CBLB: variants seen among roughly 807,000 people sequenced by gnomAD.
The protein encoded by CBLB is Cbl proto-oncogene B.
In CBLB, 31 loss-of-function variants were observed where a neutral mutation model predicts 104.9. That is an observed-to-expected ratio of 0.30 (90% CI 0.22 to 0.40). The LOEUF (loss-of-function observed/expected upper bound fraction) is 0.40, where lower values mean the gene tolerates loss of function less well. Among genes scored for constraint, CBLB ranks in the 10% least tolerant of loss-of-function variants. CBLB has a pLI of 1.00. For missense variants in CBLB, 1,062 were observed against 1,214.6 expected, an observed-to-expected ratio of 0.87 and a Z score of 1.87; for synonymous variants, 440 against 422.6, an observed-to-expected ratio of 1.04 and a Z score of -0.51.
At chr3:105,789,375 TA>T (rs1444382439) in intron 3 of CBLB, among the ~76,000 whole-genome samples, 1 of 152,198 alleles carries the variant, frequency 6.6e-6, no homozygotes, top group African/African-American at 2.4e-5. Flanking sequence ...TTAAAAATTA[TA>T]AATTTTACAA....
chr3:105,711,386 C>T (rs915724471), intron 10 of CBLB, among the ~76,000 whole-genome samples: 1 of 151,912 alleles, frequency 6.6e-6, no homozygotes, highest in African/African-American at 2.4e-5. Flanking sequence ...ATTTTACTTG[C>T]TACTATTCTC....
chr3:105,763,672 T>C (rs2077911878), intron 4 of CBLB, among the ~76,000 whole-genome samples: 1 of 152,240 alleles, frequency 6.6e-6, no homozygotes, highest in Non-Finnish European at 1.5e-5. Flanking sequence ...GAGAACAGAC[T>C]AATATAAGTA....
intron 3 of CBLB, among the ~76,000 whole-genome samples, chr3:105,836,806 C>T (rs975985333): frequency 6.6e-6 from 1 of 152,176 alleles, no homozygotes; most frequent in Admixed American, 6.5e-5. Flanking sequence ...AACGATAATA[C>T]ACAGTGAGAA....
intron 16 of CBLB, among the ~76,000 whole-genome samples, chr3:105,680,714 G>A (rs1055666874): frequency 6.6e-6 from 1 of 152,196 alleles, no homozygotes; most frequent in Non-Finnish European, 1.5e-5. Context: ...TGGCCTAACA[G>A]CCAGTTCAGA....
At position 105,719,045 on chromosome 3, in the gene CBLB, T is replaced by C. The variant is rs552632516; in HGVS notation, c.1407+1002A>G. ...ATTCTCAGTGAACTGACAAGGTCAA[T>C]TTTTGTGAGTCAACAACATTAATGA... On this transcript the variant is annotated intron_variant, in intron 10 of 18. Coordinates refer to ENST00000394030, the MANE Select transcript of CBLB (RefSeq NM_170662.5). 8.9e-4 allele frequency among the ~76,000 whole-genome samples: 135 copies of C among 152,304 alleles called. 1 individual carries two copies. Among genetic ancestry groups the C allele is most frequent in the African/African-American group, 3.1e-3 (130 of 41,576 alleles).
chr3:105,676,110 T>C (rs1359437840), intron 17 of CBLB, among the ~76,000 whole-genome samples: 2 of 151,786 alleles, frequency 1.3e-5, no homozygotes, highest in African/African-American at 4.8e-5. Flanking sequence ...AACATTGCCC[T>C]GACTCCCATG....
intron 2 of CBLB, among the ~76,000 whole-genome samples, chr3:105,867,062 C>T (rs776773622): frequency 3.3e-5 from 5 of 152,152 alleles, no homozygotes; most frequent in Non-Finnish European, 7.3e-5. Context: ...CCTGCTGGTA[C>T]TCTTTTGTTA....
chr3:105,710,020 T>C (rs1229435845), intron 10 of CBLB, among the ~76,000 whole-genome samples: 1 of 151,986 alleles, frequency 6.6e-6, no homozygotes, highest in Non-Finnish European at 1.5e-5. Context: ...ACATGTGTAC[T>C]TCTTCTTTGG....
At chr3:105,868,590 T>C (rs1211926651) in intron 1 of CBLB, 146 bp downstream of exon 1, 1 of 432,388 alleles carries the variant, frequency 2.3e-6, no homozygotes, top group Non-Finnish European at 3.3e-6. Context: ...GGTCTTTAAA[T>C]GCCCCACTTC....
At chr3:105,817,633 G>A (rs1375806835) in intron 3 of CBLB, among the ~76,000 whole-genome samples, 3 of 152,208 alleles carry the variant, frequency 2.0e-5, no homozygotes, top group African/African-American at 7.2e-5. Flanking sequence ...GAGGCCGAAT[G>A]AGGCCTTACT....
At chr3:105,730,741 A>C (rs2074229339) in intron 9 of CBLB, among the ~76,000 whole-genome samples, 1 of 152,136 alleles carries the variant, frequency 6.6e-6, no homozygotes, top group Admixed American at 6.5e-5. Flanking sequence ...ATTTTTCATT[A>C]ATTTAGGTGC....
chr3:105,834,634 C>G (rs959878306), intron 3 of CBLB, among the ~76,000 whole-genome samples: 2 of 147,548 alleles, frequency 1.4e-5, no homozygotes, highest in African/African-American at 5.0e-5. Context: ...CCAGCCTGAG[C>G]GACAGAGCAA....
intron 3 of CBLB, among the ~76,000 whole-genome samples, chr3:105,819,894 G>A (rs542890720): frequency 2.0e-5 from 3 of 152,196 alleles, no homozygotes; most frequent in South Asian, 4.2e-4. Flanking sequence ...ACCAGAGACC[G>A]GTTTCATGGA....
chr3:105,828,887 T>C (rs970368360), intron 3 of CBLB, among the ~76,000 whole-genome samples: 1 of 152,204 alleles, frequency 6.6e-6, no homozygotes, highest in African/African-American at 2.4e-5. Context: ...GGACATTTCA[T>C]GACATCACCT....
chr3:105,711,895 C>T (rs2071163077), intron 10 of CBLB, among the ~76,000 whole-genome samples: 1 of 152,044 alleles, frequency 6.6e-6, no homozygotes. Flanking sequence ...AAATTAGAAG[C>T]AATAAAGAAG....
intron 10 of CBLB, among the ~76,000 whole-genome samples, chr3:105,713,615 C>T (rs13073784): frequency 0.11 from 16,748 of 152,182 alleles, 1,012 homozygotes; most frequent in East Asian, 0.18. Flanking sequence ...AGGTATCCTA[C>T]GACATCACAC....
At chr3:105,673,538 A>T (rs1465900302) in intron 17 of CBLB, 1 of 152,168 alleles carries the variant, frequency 6.6e-6, no homozygotes, top group Non-Finnish European at 1.5e-5. Flanking sequence ...CCAAATTTTA[A>T]TAGAGTATAT....
intron 4 of CBLB, among the ~76,000 whole-genome samples, chr3:105,771,664 C>A (rs576619085): frequency 6.6e-6 from 1 of 152,272 alleles, no homozygotes; most frequent in African/African-American, 2.4e-5. Flanking sequence ...GCTCCCAGAT[C>A]TTATAAATGA....
chr3:105,730,397 T>C (rs369937866), intron 9 of CBLB, among the ~76,000 whole-genome samples: 4 of 152,110 alleles, frequency 2.6e-5, no homozygotes, highest in Admixed American at 6.5e-5. Flanking sequence ...CAGAAAAGTA[T>C]TGTAAGAGCT....
Sources: gnomAD v4.1 joint callset for allele counts (sites outside exome capture counted in the v4.1 genomes callset) on GRCh38, gnomAD v4.1.1 for gene constraint, MANE v1.5 for transcripts, NCBI Gene and HGNC (gene_info 2026-07-23, HGNC 2026-07-21) for gene names.